IL16: variants seen among roughly 807,000 people sequenced by gnomAD.
The protein encoded by IL16 is interleukin 16, also known as pro-interleukin-16.
Under a neutral mutation model 110.1 loss-of-function variants are expected in IL16, and 67 were observed. The observed-to-expected ratio is 0.61, with a 90% CI of 0.50 to 0.75. The LOEUF is 0.75. Among genes scored for constraint, IL16 ranks in the 30% least tolerant of loss-of-function variants. IL16 has a pLI of 0.00. For synonymous variants in IL16, 689 were observed against 662.9 expected (o/e 1.04, Z -0.61); for missense variants, 1,545 against 1,655.0 (o/e 0.93, Z 1.15).
chr15:81,227,075 A>G (rs1167088842), intron 2 of IL16, among the ~76,000 whole-genome samples: 3 of 152,102 alleles, frequency 2.0e-5, no homozygotes. Context: ...TGAAAAATAC[A>G]CTACAAGAGG....
At chr15:81,287,200 G>A (rs922055454) in intron 10 of IL16, among the ~76,000 whole-genome samples, 11 of 152,190 alleles carry the variant, frequency 7.2e-5, no homozygotes, top group Admixed American at 1.3e-4. Context: ...GGGAGGAACC[G>A]AAGATATCTC....
intron 10 of IL16, among the ~76,000 whole-genome samples, chr15:81,288,223 G>A (rs1402009408): frequency 6.6e-6 from 1 of 151,928 alleles, no homozygotes; most frequent in Non-Finnish European, 1.5e-5. Flanking sequence ...AAGAGAGCCA[G>A]GCCCAGCAGC....
chr15:81,196,796 C>A (rs185342940), upstream of IL16: 7 of 1,085,228 alleles, frequency 6.5e-6, no homozygotes, highest in East Asian at 1.8e-4. Context: ...TGGCAGCCCC[C>A]CTTTTTGGAT....
At chr15:81,279,854 A>T in intron 8 of IL16, 80 bp downstream of exon 8, 1 of 1,210,002 alleles carries the variant, frequency 8.3e-7, no homozygotes, top group Non-Finnish European at 1.2e-6. Context: ...ACTTGGAATC[A>T]GTCCAGAGGT....
intron 13 of IL16, 135 bp from the exon 14 acceptor site, chr15:81,299,245 C>T: frequency 6.7e-7 from 1 of 1,482,908 alleles, no homozygotes; most frequent in Non-Finnish European, 9.3e-7. Flanking sequence ...GGAGTTCACC[C>T]ACCTGGGTGT....
At chr15:81,216,674 A>C (rs940120795) in intron 1 of IL16, among the ~76,000 whole-genome samples, 1 of 152,034 alleles carries the variant, frequency 6.6e-6, no homozygotes, top group Non-Finnish European at 1.5e-5. Flanking sequence ...CAGCAGCAGC[A>C]GGAGGAGGAA....
At position 81,297,050 on chromosome 15, in the gene IL16, C is replaced by T. The variant is rs757220415; in HGVS notation, c.2025C>T (p.Gly675=). 6.8e-6 allele frequency: 11 copies of T among 1,613,476 alleles called. No individual in the cohort carries two copies. The highest frequency in any genetic ancestry group is 3.3e-5 in the South Asian group (3 of 91,030). Residue 675 remains glycine (G), a synonymous_variant, in exon 13 of 19, where the codon GGC becomes GGT. Transcript: ENST00000683961. ...CACAGACCAAGTCCTCCACAGAGGG[C>T]GAGCCAGGGTGGAGAAGAGCCAGCC... is the stretch of plus-strand genomic sequence containing the variant. The part of the protein sequence containing the change: ...IGPQTKSSTE[G]EPGWRRASPV...
At chr15:81,218,357 A>G (rs1471830219) in intron 1 of IL16, among the ~76,000 whole-genome samples, 3 of 152,182 alleles carry the variant, frequency 2.0e-5, no homozygotes, top group Admixed American at 6.5e-5. Context: ...AGAAAATTTG[A>G]ACGAATATAG....
At chr15:81,276,026 A>G (rs1265160974) in intron 6 of IL16, among the ~76,000 whole-genome samples, 1 of 152,248 alleles carries the variant, frequency 6.6e-6, no homozygotes, top group East Asian at 1.9e-4. Context: ...TAACTTAAAG[A>G]GAAGTCTAGC....
At chr15:81,306,923 ATTTT>A in intron 18 of IL16, 2 of 311,936 alleles carry the variant, frequency 6.4e-6, no homozygotes, top group African/African-American at 2.2e-5. Flanking sequence ...TTTAAAATTA[ATTTT>A]AAAAAAACAT....
intron 1 of IL16, among the ~76,000 whole-genome samples, chr15:81,224,058 A>C (rs1896707067): frequency 6.6e-6 from 1 of 152,230 alleles, no homozygotes; most frequent in South Asian, 2.1e-4. Flanking sequence ...ATTTTTGTTT[A>C]TTGCTATTGA....
intron 12 of IL16, among the ~76,000 whole-genome samples, chr15:81,294,718 T>C (rs1291794337): frequency 6.6e-6 from 1 of 152,228 alleles, no homozygotes; most frequent in East Asian, 1.9e-4. Flanking sequence ...CCACAAACAT[T>C]TCCATAAAAG....
chr15:81,193,831 C>A (rs1895537485), upstream of IL16, among the ~76,000 whole-genome samples: 1 of 152,176 alleles, frequency 6.6e-6, no homozygotes, highest in Non-Finnish European at 1.5e-5. Context: ...TTGGCCTCAA[C>A]ATTCTGTCTA....
rs147540317 is a variant in IL16 at position 81,245,982 on chromosome 15, G to A, written c.313-13790G>A. Among the ~76,000 whole-genome samples the A allele has an allele frequency of 3.0e-3, 449 of 152,100 alleles. 2 individuals are homozygous for A. Among genetic ancestry groups the A allele is most frequent in the South Asian group, 5.2e-3 (25 of 4,810 alleles). Reference sequence around the variant, plus strand: ...AGTCTGTCTACTCCATCTTCCCAGAGTGGAACTGCAATTTATTTTTGTTCA... The same window carrying A: ...AGTCTGTCTACTCCATCTTCCCAGAATGGAACTGCAATTTATTTTTGTTCA... On this transcript the variant is annotated intron_variant, in intron 2 of 18. Coordinates refer to ENST00000683961, the MANE Select transcript of IL16 (RefSeq NM_172217.5).
At chr15:81,269,917 C>A (rs1898560082) in intron 5 of IL16, among the ~76,000 whole-genome samples, 2 of 152,238 alleles carry the variant, frequency 1.3e-5, no homozygotes, top group Admixed American at 6.5e-5. Context: ...TTCTCTAATT[C>A]ATTCCTGGCA....
intron 1 of IL16, among the ~76,000 whole-genome samples, chr15:81,211,405 C>T (rs575379214): frequency 6.6e-6 from 1 of 152,292 alleles, no homozygotes; most frequent in African/African-American, 2.4e-5. Context: ...GCATGCACCA[C>T]CATGCTCAGC....
At chr15:81,226,112 G>A (rs574856854) in intron 2 of IL16, among the ~76,000 whole-genome samples, 1 of 152,312 alleles carries the variant, frequency 6.6e-6, no homozygotes, top group East Asian at 1.9e-4. Context: ...GGGCAGAGAA[G>A]GAGGCCTTAT....
At chr15:81,230,158 G>C (rs991439114) in intron 2 of IL16, among the ~76,000 whole-genome samples, 1 of 152,222 alleles carries the variant, frequency 6.6e-6, no homozygotes, top group Non-Finnish European at 1.5e-5. Flanking sequence ...GACCCCTGGA[G>C]ATGAATTCAA....
chr15:81,225,800 C>A, intron 2 of IL16, 89 bp downstream of exon 2: 2 of 1,178,748 alleles, frequency 1.7e-6, no homozygotes, highest in South Asian at 1.6e-5. Flanking sequence ...ATTCAAAAAT[C>A]ATGAAGCTGC....
Sources: gnomAD v4.1 joint callset for allele counts (sites outside exome capture counted in the v4.1 genomes callset) on GRCh38, gnomAD v4.1.1 for gene constraint, MANE v1.5 for transcripts, NCBI Gene and HGNC (gene_info 2026-07-23, HGNC 2026-07-21) for gene names.